The following PDE1A variants were observed in gnomAD, a reference collection of about 807,000 sequenced individuals.
PDE1A encodes the protein dual specificity calcium/calmodulin-dependent 3',5'-cyclic nucleotide phosphodiesterase 1A.
Under a neutral mutation model 61.7 loss-of-function variants are expected in PDE1A, and 35 were observed. The ratio of observed to expected loss-of-function variants is 0.57; its 90% confidence interval spans 0.43 to 0.75. The LOEUF is 0.75. PDE1A is among the 30% of genes least tolerant of loss of function. The probability of loss-of-function intolerance (pLI) is 0.00; values close to 1 mark genes in which losing one functional copy is unlikely to be tolerated. For synonymous variants in PDE1A, 232 were observed against 213.2 expected (o/e 1.09, Z -0.77); for missense variants, 597 against 630.6 (o/e 0.95, Z 0.57).
the PDE1A span, among the ~76,000 whole-genome samples, chr2:182,665,018 A>T: frequency 6.6e-6 from 1 of 152,244 alleles, no homozygotes; most frequent in Non-Finnish European, 1.5e-5. Flanking sequence ...TAAAGTTTAT[A>T]AACAATGTTC....
chr2:182,387,441 GAGAAAGAAAGAAAGA>G, intron 1 of PDE1A, among the ~76,000 whole-genome samples: 1 of 151,870 alleles, frequency 6.6e-6, no homozygotes, highest in Non-Finnish European at 1.5e-5. Flanking sequence ...GAAAGAAAGA[GAGAAAGAAAGAAAGA>G]AGAAAGAAAG....
intron 10 of PDE1A, among the ~76,000 whole-genome samples, chr2:182,192,403 T>C (rs1390354892): frequency 1.3e-5 from 2 of 152,096 alleles, no homozygotes; most frequent in Non-Finnish European, 2.9e-5. Flanking sequence ...ATTTACTCTT[T>C]AGGGTGAATA....
chr2:182,307,726 T>C (rs2577658), intron 1 of PDE1A, among the ~76,000 whole-genome samples: 141,531 of 152,198 alleles, frequency 0.93, 66,385 homozygotes, highest in East Asian at 0.99. Context: ...AAAAATGCTT[T>C]GCTGGGAATC....
intron 1 of PDE1A, among the ~76,000 whole-genome samples, chr2:182,323,985 T>A (rs1387477003): frequency 6.6e-6 from 1 of 151,880 alleles, no homozygotes; most frequent in African/African-American, 2.4e-5. Flanking sequence ...AATCAGAGAC[T>A]CGCTACACCA....
chr2:182,490,284 G>A (rs1446365980), intron 2 of PDE1A, among the ~76,000 whole-genome samples: 1 of 152,186 alleles, frequency 6.6e-6, no homozygotes, highest in Non-Finnish European at 1.5e-5. Context: ...AAAACCATGA[G>A]TAGTCAACCT....
chr2:182,506,149 T>C (rs542470320), intron 2 of PDE1A, among the ~76,000 whole-genome samples: 1 of 152,324 alleles, frequency 6.6e-6, no homozygotes, highest in East Asian at 1.9e-4. Flanking sequence ...ATATAAAATT[T>C]TTCCTTTTTC....
At chr2:182,405,286 T>C (rs1195181704) in intron 1 of PDE1A, among the ~76,000 whole-genome samples, 1 of 152,186 alleles carries the variant, frequency 6.6e-6, no homozygotes, top group East Asian at 1.9e-4. Context: ...TTATTGTCAC[T>C]CTTCTACTTT....
At chr2:182,533,596 T>G in the PDE1A span, among the ~76,000 whole-genome samples, 1 of 152,100 alleles carries the variant, frequency 6.6e-6, no homozygotes, top group South Asian at 2.1e-4. Flanking sequence ...AGACTTGAAG[T>G]TGAAAAATCC....
At chr2:182,685,341 T>C in the PDE1A span, among the ~76,000 whole-genome samples, 9 of 152,270 alleles carry the variant, frequency 5.9e-5, no homozygotes, top group South Asian at 2.1e-4. Flanking sequence ...TTTTAGTAAA[T>C]CAGCTAATGA....
At chr2:182,571,157 CTGAT>C in the PDE1A span, among the ~76,000 whole-genome samples, 1 of 152,052 alleles carries the variant, frequency 6.6e-6, no homozygotes, top group Non-Finnish European at 1.5e-5. Context: ...TGAATGCTTC[CTGAT>C]TATGAGAAGA....
intron 2 of PDE1A, among the ~76,000 whole-genome samples, chr2:182,248,752 C>T (rs1691176329): frequency 6.6e-6 from 1 of 152,062 alleles, no homozygotes; most frequent in Non-Finnish European, 1.5e-5. Context: ...GCAATTGGTA[C>T]CCGCAATTAC....
chr2:182,151,265 T>G (rs1257538392), intron 13 of PDE1A, among the ~76,000 whole-genome samples: 1 of 152,100 alleles, frequency 6.6e-6, no homozygotes, highest in African/African-American at 2.4e-5. Context: ...TTTTTTTGTT[T>G]TTTGTTTTTT....
intron 2 of PDE1A, among the ~76,000 whole-genome samples, chr2:182,258,368 A>G (rs1352762962): frequency 6.6e-6 from 1 of 152,168 alleles, no homozygotes; most frequent in Admixed American, 6.5e-5. Context: ...GGAACAATTC[A>G]TCAGTCTGAA....
rs73032447 is a variant in PDE1A, at chr2:182,274,026, C to T, written c.54-9612G>A. Reference sequence around the variant, plus strand: ...TTCAATGTCTGGTGAGGGCCTTCTTCCCAGTTCATAGATGGCTGTCTTCTC... The same window carrying T: ...TTCAATGTCTGGTGAGGGCCTTCTTTCCAGTTCATAGATGGCTGTCTTCTC... On this transcript the variant is annotated intron_variant, in intron 1 of 13. Coordinates refer to ENST00000351439, the Ensembl canonical transcript of PDE1A. 6.8e-3 allele frequency among the ~76,000 whole-genome samples: 1,032 copies of T among 152,204 alleles called. 8 individuals are homozygous for T. The highest frequency in any genetic ancestry group is 0.023 in the African/African-American group (947 of 41,546).
intron 1 of PDE1A, among the ~76,000 whole-genome samples, chr2:182,395,927 G>C (rs1053092580): frequency 6.6e-6 from 1 of 152,198 alleles, no homozygotes; most frequent in Admixed American, 6.5e-5. Context: ...CATGAGACCT[G>C]AACTTCCTAT....
At chr2:182,681,863 G>A in the PDE1A span, among the ~76,000 whole-genome samples, 2 of 151,500 alleles carry the variant, frequency 1.3e-5, no homozygotes, top group Non-Finnish European at 2.9e-5. Flanking sequence ...AGCCAGGATG[G>A]TCTCCATCTC....
the PDE1A span, among the ~76,000 whole-genome samples, chr2:182,613,158 A>G: frequency 6.6e-6 from 1 of 152,222 alleles, no homozygotes; most frequent in African/African-American, 2.4e-5. Flanking sequence ...CATGCATGAC[A>G]CTATTTTTTA....
intron 1 of PDE1A, among the ~76,000 whole-genome samples, chr2:182,352,959 A>G (rs1378470756): frequency 6.6e-6 from 1 of 152,240 alleles, no homozygotes; most frequent in Non-Finnish European, 1.5e-5. Flanking sequence ...TAAAAATTCA[A>G]TACTTTAACA....
chr2:182,163,676 C>T (rs78317803), downstream of PDE1A, among the ~76,000 whole-genome samples: 67 of 152,250 alleles, frequency 4.4e-4, 1 homozygote, highest in African/African-American at 1.4e-3. Flanking sequence ...GAAAGAAGCA[C>T]AATTCCTAGT....
Sources: gnomAD v4.1 joint callset for allele counts (sites outside exome capture counted in the v4.1 genomes callset) on GRCh38, gnomAD v4.1.1 for gene constraint, MANE v1.5 for transcripts, NCBI Gene and HGNC (gene_info 2026-07-23, HGNC 2026-07-21) for gene names.